Variants in NXPH1 observed in about 807,000 individuals in gnomAD.
NXPH1 encodes neurexophilin-1.
NXPH1 carries 5 observed loss-of-function variants against 23.7 expected under a neutral mutation model. The observed-to-expected ratio is 0.21, with a 90% CI of 0.11 to 0.44. The LOEUF (loss-of-function observed/expected upper bound fraction) is 0.44, where lower values mean the gene tolerates loss of function less well. Among genes scored for constraint, NXPH1 ranks in the 20% least tolerant of loss-of-function variants. The pLI is 0.99. For missense variants in NXPH1, 324 were observed against 321.6 expected (o/e 1.01, Z -0.06); for synonymous variants, 144 against 122.2 (o/e 1.18, Z -1.18).
At chr7:8,636,782 G>T (rs2115139063) in intron 2 of NXPH1, among the ~76,000 whole-genome samples, 1 of 152,204 alleles carries the variant, frequency 6.6e-6, no homozygotes, top group South Asian at 2.1e-4. Flanking sequence ...TACCTGTTTG[G>T]GTTTCTGAGC....
chr7:8,546,858 A>G (rs114456584), intron 2 of NXPH1, among the ~76,000 whole-genome samples: 23 of 151,572 alleles, frequency 1.5e-4, no homozygotes, highest in African/African-American at 5.5e-4. Flanking sequence ...AACAACCACA[A>G]GAACAGTAAT....
At chr7:8,546,997 G>A (rs2214510) in intron 2 of NXPH1, among the ~76,000 whole-genome samples, 16,803 of 151,344 alleles carry the variant, frequency 0.11, 1,182 homozygotes, top group African/African-American at 0.2. Flanking sequence ...ACTTGAAATG[G>A]GTCAGCAAAT....
chr7:8,626,908 T>C (rs1305799282), intron 2 of NXPH1, among the ~76,000 whole-genome samples: 2 of 152,148 alleles, frequency 1.3e-5, no homozygotes, highest in Admixed American at 1.3e-4. Flanking sequence ...TCAGACTCCC[T>C]CTTTACCAGG....
intron 2 of NXPH1, among the ~76,000 whole-genome samples, chr7:8,603,997 T>C (rs1238436041): frequency 6.6e-6 from 1 of 152,152 alleles, no homozygotes; most frequent in Non-Finnish European, 1.5e-5. Flanking sequence ...ATCATTGTTC[T>C]TTCTTGGGAC....
intron 2 of NXPH1, among the ~76,000 whole-genome samples, chr7:8,497,226 G>A (rs1345440835): frequency 1.3e-5 from 2 of 152,150 alleles, no homozygotes; most frequent in African/African-American, 2.4e-5. Context: ...ATTCCATGGT[G>A]TATATGTGCC....
chr7:8,511,558 A>G (rs974364976), intron 2 of NXPH1, among the ~76,000 whole-genome samples: 1 of 152,096 alleles, frequency 6.6e-6, no homozygotes, highest in East Asian at 1.9e-4. Context: ...TAAGGAGTGG[A>G]GATGAACAGC....
chr7:8,520,026 T>C (rs1817745162), intron 2 of NXPH1, among the ~76,000 whole-genome samples: 1 of 152,116 alleles, frequency 6.6e-6, no homozygotes, highest in Admixed American at 6.6e-5. Flanking sequence ...AAATTATTTA[T>C]ATAAAGATGA....
chr7:8,745,543 C>G (rs896895615), intron 2 of NXPH1, among the ~76,000 whole-genome samples: 6 of 151,894 alleles, frequency 4.0e-5, no homozygotes, highest in African/African-American at 9.7e-5. Flanking sequence ...CGTCCTTTCT[C>G]TGCTCTGTGC....
At chr7:8,436,835 A>G (rs2128603540) in intron 2 of NXPH1, among the ~76,000 whole-genome samples, 1 of 152,318 alleles carries the variant, frequency 6.6e-6, no homozygotes, top group South Asian at 2.1e-4. Context: ...CTCAATCCCA[A>G]GAGCCTTAGA....
chr7:8,641,351 T>C (rs540616827), intron 2 of NXPH1, among the ~76,000 whole-genome samples: 26 of 150,146 alleles, frequency 1.7e-4, no homozygotes, highest in Middle Eastern at 3.4e-3. Flanking sequence ...TGTGGATCTC[T>C]TCCCAACTCT....
intron 2 of NXPH1, among the ~76,000 whole-genome samples, chr7:8,600,189 TAAGAAAGTAGGCAAAG>T (rs752612474): frequency 0.037 from 5,596 of 152,188 alleles, 303 homozygotes; most frequent in African/African-American, 0.12. Flanking sequence ...TTCTGGGGTA[TAAGAAAGTAGGCAAAG>T]GCCTACTTTC....
In NXPH1 at chr7:8,669,336, G is replaced by A. The variant is rs544796754; in HGVS notation, c.55-81672G>A. Among the ~76,000 whole-genome samples, 4 of 152,180 alleles carry A rather than the reference G, an allele frequency of 2.6e-5. No individual in the cohort carries two copies. In the South Asian group the frequency reaches 6.2e-4, roughly 24 times the overall value. Reference sequence around the variant, plus strand: ...TGCTGGTCTGAAACCTGGGGTAGTCGTGGAGACCAAAGGGCCTGGCCTAGA... The same window carrying A: ...TGCTGGTCTGAAACCTGGGGTAGTCATGGAGACCAAAGGGCCTGGCCTAGA... On this transcript the variant is annotated intron_variant, in intron 2 of 2. Transcript: ENST00000405863.
chr7:8,475,416 G>T (rs181734679), intron 2 of NXPH1, among the ~76,000 whole-genome samples: 8 of 152,194 alleles, frequency 5.3e-5, no homozygotes, highest in Non-Finnish European at 1.2e-4. Flanking sequence ...TTGGTATTAG[G>T]TATGTGAGGG....
intron 2 of NXPH1, among the ~76,000 whole-genome samples, chr7:8,721,829 A>C (rs1045194641): frequency 2.0e-5 from 3 of 152,248 alleles, no homozygotes; most frequent in Non-Finnish European, 2.9e-5. Context: ...AAAAAACCAT[A>C]AATCTCATAC....
chr7:8,623,549 T>C (rs113508879), intron 2 of NXPH1, among the ~76,000 whole-genome samples: 4 of 151,968 alleles, frequency 2.6e-5, no homozygotes, highest in African/African-American at 9.7e-5. Context: ...CGAATCATAG[T>C]TAACAAACAA....
intron 2 of NXPH1, among the ~76,000 whole-genome samples, chr7:8,738,316 T>G (rs1453425612): frequency 1.3e-5 from 2 of 152,228 alleles, no homozygotes; most frequent in Non-Finnish European, 2.9e-5. Context: ...TCTGTGTGGA[T>G]GTCCTTTTTG....
At chr7:8,458,389 C>G (rs1816636216) in intron 2 of NXPH1, among the ~76,000 whole-genome samples, 1 of 152,182 alleles carries the variant, frequency 6.6e-6, no homozygotes, top group Non-Finnish European at 1.5e-5. Flanking sequence ...AGAAAACATT[C>G]TAATACAGAT....
intron 2 of NXPH1, among the ~76,000 whole-genome samples, chr7:8,475,908 G>C (rs1226823997): frequency 2.6e-5 from 4 of 152,036 alleles, no homozygotes; most frequent in Admixed American, 1.3e-4. Flanking sequence ...TTTAATTCCA[G>C]ATAATACCCA....
chr7:8,596,265 T>C (rs899000813), intron 2 of NXPH1, among the ~76,000 whole-genome samples: 13 of 152,058 alleles, frequency 8.5e-5, no homozygotes, highest in Admixed American at 3.3e-4. Context: ...AAAATTCTGT[T>C]CAGGAACAGA....
Sources: allele counts gnomAD v4.1 joint callset (sites outside exome capture counted in the v4.1 genomes callset), GRCh38; gene constraint gnomAD v4.1.1; transcripts MANE v1.5; gene names NCBI Gene and HGNC (gene_info 2026-07-23, HGNC 2026-07-21).